The following PARVB variants were observed in gnomAD, a reference collection of about 807,000 sequenced individuals.
The protein encoded by PARVB is beta-parvin.
Under a neutral mutation model 47.0 loss-of-function variants are expected in PARVB, and 46 were observed. The observed-to-expected ratio is 0.98, with a 90% confidence interval of 0.77 to 1.25. The LOEUF (loss-of-function observed/expected upper bound fraction) is 1.25. Among genes scored for constraint, PARVB ranks in the 50% most tolerant of loss-of-function variants. The probability of loss-of-function intolerance (pLI) is 0.00; values close to 1 mark genes in which losing one functional copy is unlikely to be tolerated. For synonymous variants in PARVB, 196 were observed against 196.3 expected, an observed-to-expected ratio of 1.00 and a Z score of 0.01; for missense variants, 473 against 471.6, an observed-to-expected ratio of 1.00 and a Z score of -0.03.
At chr22:44,011,113 T>C (rs2050518123) in intron 2 of PARVB, among the ~76,000 whole-genome samples, 2 of 151,920 alleles carry the variant, frequency 1.3e-5, no homozygotes, top group Admixed American at 1.3e-4. Context: ...CGTGAGCCAC[T>C]GCGCCCGGCC....
At chr22:44,017,658 C>T (rs568458495) in intron 2 of PARVB, among the ~76,000 whole-genome samples, 28 of 152,290 alleles carry the variant, frequency 1.8e-4, no homozygotes, top group Middle Eastern at 3.4e-3. Context: ...GAACCACTGA[C>T]GAAAGCTTCA....
At chr22:44,163,521 C>G (rs1191384355) in intron 11 of PARVB, among the ~76,000 whole-genome samples, 1 of 152,070 alleles carries the variant, frequency 6.6e-6, no homozygotes, top group African/African-American at 2.4e-5. Flanking sequence ...TAAAATGGGG[C>G]CCCTGTGACT....
At chr22:44,102,586 C>CTGG (rs2052473724) in intron 3 of PARVB, among the ~76,000 whole-genome samples, 1 of 152,102 alleles carries the variant, frequency 6.6e-6, no homozygotes, top group South Asian at 2.1e-4. Context: ...ACCTGAAATC[C>CTGG]CAGCGCCCTG....
At chr22:44,044,975 G>T (rs542597853) in intron 1 of PARVB, among the ~76,000 whole-genome samples, 1 of 152,254 alleles carries the variant, frequency 6.6e-6, no homozygotes, top group South Asian at 2.1e-4. Flanking sequence ...GAAACGTGCT[G>T]TCCAGGCAAT....
Position 44,062,839 on chromosome 22 carries a change from G to A in PARVB, c.113-31089G>A, listed in dbSNP as rs552431018. On this transcript the variant is annotated intron_variant, in intron 1 of 12. Transcript: ENST00000338758. The stretch of plus-strand genomic sequence containing the variant: ...GGCACCTGGATGTGTTTACCCACCC[G>A]GAAGCTCTCTGCACCCTGTAGTTCA... Among the ~76,000 whole-genome samples the A allele has an allele frequency of 1.4e-4, 21 of 151,176 alleles. No homozygotes were observed. The South Asian group carries it at 3.8e-3, about 27-fold the overall frequency.
chr22:44,056,139 C>G (rs8138162), intron 1 of PARVB, among the ~76,000 whole-genome samples: 18,029 of 152,256 alleles, frequency 0.12, 1,443 homozygotes, highest in African/African-American at 0.23. Flanking sequence ...GACGGGAGCC[C>G]CACCGTGCGT....
At chr22:44,034,241 A>G (rs1007248611) in intron 1 of PARVB, among the ~76,000 whole-genome samples, 5 of 143,028 alleles carry the variant, frequency 3.5e-5, no homozygotes, top group African/African-American at 1.0e-4. Context: ...ATACATATAT[A>G]TTTGAGATGG....
At chr22:44,033,346 A>G (rs1157335510) in intron 1 of PARVB, among the ~76,000 whole-genome samples, 1 of 152,116 alleles carries the variant, frequency 6.6e-6, no homozygotes, top group Non-Finnish European at 1.5e-5. Context: ...CCGGCCCCCA[A>G]TACTTTTTTG....
chr22:44,113,846 A>G (rs1380850504), intron 3 of PARVB: 31 of 54,678 alleles, frequency 5.7e-4, no homozygotes, highest in Admixed American at 2.4e-3. Flanking sequence ...CCCTGCACCA[A>G]CACAGATACA....
rs967267524 is a variant in PARVB at position 44,103,995 on chromosome 22, GTTTGTGTTAA to G, written c.273+3878_273+3887del. 2.0e-5 allele frequency: 3 copies of G among 152,226 alleles called. No individual in the cohort carries two copies. The highest frequency in any genetic ancestry group is 4.4e-5 in the Non-Finnish European group (3 of 68,048). 9.4% of individuals were successfully genotyped at this position (152,226 alleles called of 1,614,324 possible). A position where few individuals can be genotyped will look rare whatever the true frequency, so the allele number is the denominator to read the frequency against. On this transcript the variant is annotated intron_variant, in intron 3 of 12. Coordinates refer to ENST00000338758, the MANE Select transcript of PARVB (RefSeq NM_013327.5). The surrounding 1 kb of genome is among the most constrained non-coding windows in gnomAD (Gnocchi z 4.6). ...CCACTGAGCCGTTGGAAGCCCCTGG[GTTTGTGTTAA>G]TTTGTTACAGTAGCCACAAGCAACT...
intron 1 of PARVB, among the ~76,000 whole-genome samples, chr22:44,082,032 T>A (rs1819596227): frequency 6.6e-6 from 1 of 151,026 alleles, no homozygotes; most frequent in African/African-American, 2.4e-5. Context: ...AGGATGAGAG[T>A]GGTCAGGAGG....
At chr22:44,042,237 C>G (rs535439803) in intron 1 of PARVB, among the ~76,000 whole-genome samples, 305 of 152,262 alleles carry the variant, frequency 2.0e-3, no homozygotes, top group African/African-American at 7.0e-3. Context: ...GCCTGGCCAA[C>G]AAGTGAAACC....
chr22:44,122,572 G>GAGACACAGAGAC (rs1569134603), intron 4 of PARVB, among the ~76,000 whole-genome samples: 3 of 107,372 alleles, frequency 2.8e-5, no homozygotes, highest in African/African-American at 1.2e-4. Context: ...CAGAGAGAGA[G>GAGACACAGAGAC]AGAGAGAGAG....
upstream of PARVB, among the ~76,000 whole-genome samples, chr22:44,023,851 A>C (rs948784876): frequency 3.9e-5 from 6 of 152,158 alleles, no homozygotes; most frequent in Admixed American, 3.3e-4. Flanking sequence ...ATTGCCCTCC[A>C]TCCTCTAAGC....
At chr22:44,161,020 T>TGGAGAAGAATCTTTTCTTA (rs1481063076) in intron 11 of PARVB, among the ~76,000 whole-genome samples, 1 of 152,226 alleles carries the variant, frequency 6.6e-6, no homozygotes, top group African/African-American at 2.4e-5. Flanking sequence ...ACTTTTACAA[T>TGGAGAAGAATCTTTTCTTA]GGAGAAGAAT....
intron 4 of PARVB, among the ~76,000 whole-genome samples, chr22:44,120,415 T>C (rs369924062): frequency 1.3e-3 from 193 of 152,338 alleles, no homozygotes; most frequent in African/African-American, 4.3e-3. Context: ...TTTGGAAGGG[T>C]CTGGGCCTCT....
rs543438222 is a variant in PARVB at position 44,103,864 on chromosome 22, C to T, written c.273+3741C>T. The T allele has an allele frequency of 6.6e-6, 1 of 152,336 alleles. No homozygotes were observed. The highest frequency in any genetic ancestry group is 2.1e-4 in the South Asian group (1 of 4,830). The allele number at this position is 152,336 out of a possible 1,614,324, so 9.4% of individuals were successfully genotyped here. A position where few individuals can be genotyped will look rare whatever the true frequency, so the allele number is the denominator to read the frequency against. ...AGAAATGGATTCTCCACTAGAGAACCCAGAAGGAACCCTGGAGCCTCCAGA... is the reference window on the plus strand; with the variant it reads ...AGAAATGGATTCTCCACTAGAGAACTCAGAAGGAACCCTGGAGCCTCCAGA... On this transcript the variant is annotated intron_variant, in intron 3 of 12. Coordinates refer to ENST00000338758, the MANE Select transcript of PARVB (RefSeq NM_013327.5). The surrounding 1 kb of genome is among the most constrained non-coding windows in gnomAD (Gnocchi z 4.6).
rs113274275 is a variant in PARVB, at chr22:44,066,801, C to T, written c.113-27127C>T. 3.9e-3 allele frequency among the ~76,000 whole-genome samples: 426 copies of T among 110,636 alleles called. 1 individual carries two copies. Among genetic ancestry groups the T allele is most frequent in the African/African-American group, 9.8e-3 (240 of 24,408 alleles). 72.6% of individuals were successfully genotyped at this position (110,636 alleles called of 152,430 possible). ...TATTTCTCCTCCTCCTCCTCCTCCT[C>T]CTCCTCCTCCTCCTCCTCCTCTTCC... On this transcript the variant is annotated intron_variant, in intron 1 of 12. Coordinates refer to ENST00000338758, the MANE Select transcript of PARVB (RefSeq NM_013327.5).
chr22:44,061,430 C>G (rs551998108), intron 1 of PARVB, among the ~76,000 whole-genome samples: 1,830 of 74,818 alleles, frequency 0.024, 26 homozygotes, highest in Admixed American at 0.038. Context: ...GACTTCATCT[C>G]AAAAACAAAA....
Sources: gnomAD v4.1 joint callset for allele counts (sites outside exome capture counted in the v4.1 genomes callset) on GRCh38, gnomAD v4.1.1 for gene constraint, Gnocchi (gnomAD v3.1) non-coding constraint, MANE v1.5 for transcripts, NCBI Gene and HGNC (gene_info 2026-07-23, HGNC 2026-07-21) for gene names.